The following BCAT1 variants were observed in gnomAD, a reference collection of about 807,000 sequenced individuals.
BCAT1 encodes branched chain amino acid transaminase 1.
In BCAT1, 48 loss-of-function variants were observed where a neutral mutation model predicts 52.4. The ratio of observed to expected loss-of-function variants is 0.92; its 90% CI spans 0.73 to 1.16. The LOEUF (loss-of-function observed/expected upper bound fraction) is 1.16, where lower values mean the gene tolerates loss of function less well. Ranked by LOEUF, BCAT1 falls within the 50% of genes most tolerant of loss-of-function variation. The pLI is 0.00. For synonymous variants in BCAT1, 167 were observed against 161.3 expected, an observed-to-expected ratio of 1.04 and a Z score of -0.27; for missense variants, 451 against 457.1, an observed-to-expected ratio of 0.99 and a Z score of 0.12.
At chr12:24,867,248 G>A (rs1251776753) in intron 5 of BCAT1, among the ~76,000 whole-genome samples, 3 of 151,946 alleles carry the variant, frequency 2.0e-5, no homozygotes, top group African/African-American at 7.3e-5. Flanking sequence ...CACTTACCGC[G>A]AGGGTCCATG....
At chr12:24,863,408 G>T (rs1438045477) in intron 5 of BCAT1, among the ~76,000 whole-genome samples, 3 of 152,196 alleles carry the variant, frequency 2.0e-5, no homozygotes, top group African/African-American at 7.2e-5. Flanking sequence ...GCATAAAAAT[G>T]ACTGTAAACA....
rs1422980529 is a variant in BCAT1, at chr12:24,902,383, T to C, written c.7-498A>G. 8 of 1,155,686 alleles carry C rather than the reference T, an allele frequency of 6.9e-6. No individual in the cohort carries two copies. The East Asian group carries it at 3.5e-4, about 51-fold the overall frequency. The allele number at this position is 1,155,686 out of a possible 1,614,324, so 71.6% of individuals were successfully genotyped here. ...AGCAGGGTCCTCCGATGCCGCAGCA[T>C]CCACCCCACACCTTAAACCTCATGG... On this transcript the variant is annotated intron_variant, in intron 1 of 10. Coordinates refer to ENST00000261192, the MANE Select transcript of BCAT1 (RefSeq NM_005504.7).
chr12:24,946,229 A>G (rs1943931300), intron 1 of BCAT1, among the ~76,000 whole-genome samples: 1 of 152,224 alleles, frequency 6.6e-6, no homozygotes, highest in Non-Finnish European at 1.5e-5. Context: ...TAACACCACT[A>G]TCAGTTTTCC....
intron 1 of BCAT1, among the ~76,000 whole-genome samples, chr12:24,946,531 A>G (rs752937657): frequency 2.0e-5 from 3 of 152,226 alleles, no homozygotes; most frequent in Non-Finnish European, 4.4e-5. Context: ...TTGATAGGCT[A>G]AACATTGTTT....
chr12:24,844,216 T>A (rs918354675), intron 6 of BCAT1, among the ~76,000 whole-genome samples: 3 of 150,910 alleles, frequency 2.0e-5, no homozygotes, highest in African/African-American at 7.3e-5. Context: ...TCACCTGAGG[T>A]TGGGAGTTTG....
intron 6 of BCAT1, among the ~76,000 whole-genome samples, chr12:24,844,894 C>CAACCAAACAA (rs1491324252): frequency 2.8e-5 from 1 of 36,002 alleles, no homozygotes; most frequent in Non-Finnish European, 5.1e-5. Context: ...GAGACTGTCT[C>CAACCAAACAA]AAAAAAAAAA....
intron 1 of BCAT1, among the ~76,000 whole-genome samples, chr12:24,932,872 C>T (rs11830163): frequency 6.0e-4 from 92 of 152,116 alleles, no homozygotes; most frequent in African/African-American, 2.1e-3. Flanking sequence ...AGTGCAGTGG[C>T]GCAACCTCGG....
At chr12:24,898,107 G>C (rs563527505) in intron 2 of BCAT1, among the ~76,000 whole-genome samples, 1 of 152,102 alleles carries the variant, frequency 6.6e-6, no homozygotes, top group South Asian at 2.1e-4. Context: ...AGTTTTAAGG[G>C]AACGATTTGT....
rs1369336222 is a variant in BCAT1, at chr12:24,836,943, AAAGAAAGAAAGAAAAGAG to A, written c.818-365_818-348del. 6.4e-4 allele frequency among the ~76,000 whole-genome samples: 79 copies of A among 123,086 alleles called. 1 individual carries two copies. Among genetic ancestry groups the A allele is most frequent in the South Asian group, 1.3e-3 (5 of 3,912 alleles). The allele number at this position is 123,086 out of a possible 152,430, so 80.7% of individuals were successfully genotyped here. A position where few individuals can be genotyped will look rare whatever the true frequency, so the allele number is the denominator to read the frequency against. On this transcript the variant is annotated intron_variant, in intron 7 of 10. Coordinates refer to ENST00000261192, the MANE Select transcript of BCAT1 (RefSeq NM_005504.7). ...GAAAGAAAGAAAGAAAGAAAGAAAG[AAAGAAAGAAAGAAAAGAG>A]AAAGAAAGAAAGAGAGAGAGGGAGG...
intron 6 of BCAT1, among the ~76,000 whole-genome samples, chr12:24,843,563 A>G (rs1007885016): frequency 4.6e-5 from 7 of 152,192 alleles, no homozygotes; most frequent in African/African-American, 1.4e-4. Context: ...AGATAGCACC[A>G]CTGCACTCCA....
chr12:24,869,759 C>A (rs566129752), intron 5 of BCAT1, among the ~76,000 whole-genome samples: 7 of 152,162 alleles, frequency 4.6e-5, no homozygotes, highest in Admixed American at 1.3e-4. Flanking sequence ...GGAGAGGGAA[C>A]GGAGGCAAAG....
At chr12:24,933,101 C>T (rs191248610) in intron 1 of BCAT1, among the ~76,000 whole-genome samples, 3,849 of 147,046 alleles carry the variant, frequency 0.026, 77 homozygotes, top group African/African-American at 0.049. Flanking sequence ...TGAGCCACCA[C>T]GCCTGGCCTT....
intron 10 of BCAT1, among the ~76,000 whole-genome samples, 192 bp from the exon 11 acceptor site, chr12:24,818,241 A>G (rs989911420): frequency 6.6e-6 from 1 of 152,218 alleles, no homozygotes; most frequent in Non-Finnish European, 1.5e-5. Context: ...ACCATATAAA[A>G]CATAAGATAA....
At chr12:24,886,493 A>C (rs1942665203) in intron 3 of BCAT1, among the ~76,000 whole-genome samples, 1 of 152,216 alleles carries the variant, frequency 6.6e-6, no homozygotes, top group Admixed American at 6.5e-5. Flanking sequence ...TCGATGAAAA[A>C]AGTAGTTCCA....
chr12:24,894,450 G>C lies in BCAT1; in HGVS notation c.104C>G (p.Ala35Gly). ...FKAKDLIVTP[A>G]TILKEKPDPN... ...GTCTGGTTTTTCCTTTAAAATGGTA[G>C]CTGGTGTGACTATTAGGTCTTTAGC... The change falls in exon 3 of 11, where the codon GCT becomes GGT. Residue 35 changes from alanine (A) to glycine (G), a missense_variant. Coordinates refer to ENST00000261192, the MANE Select transcript of BCAT1 (RefSeq NM_005504.7). The C allele has an allele frequency of 6.3e-7, 1 of 1,597,676 alleles. No individual in the cohort carries two copies. The highest frequency in any genetic ancestry group is 8.5e-7 in the Non-Finnish European group (1 of 1,171,252).
chr12:24,892,059 T>TTTTGTTTTGTTTTGTTTTG (rs1555112460), intron 3 of BCAT1, among the ~76,000 whole-genome samples: 1 of 144,434 alleles, frequency 6.9e-6, no homozygotes, highest in East Asian at 2.1e-4. Flanking sequence ...GCCTGGCCGT[T>TTTTGTTTTGTTTTGTTTTG]TTTTGTTTTG....
intron 1 of BCAT1, among the ~76,000 whole-genome samples, chr12:24,936,723 T>TCTCTCTCTCTCTCTCTCA (rs201793932): frequency 2.1e-5 from 3 of 141,800 alleles, no homozygotes; most frequent in African/African-American, 7.5e-5. Flanking sequence ...TCTCTCTCTC[T>TCTCTCTCTCTCTCTCTCA]CACACACACA....
At chr12:24,873,050 T>C (rs1392195) in intron 5 of BCAT1, among the ~76,000 whole-genome samples, 31,855 of 152,202 alleles carry the variant, frequency 0.21, 3,834 homozygotes, top group African/African-American at 0.33. Context: ...CACATGTGTT[T>C]GTACCACTGT....
chr12:24,884,290 A>G (rs1479257849), intron 3 of BCAT1, among the ~76,000 whole-genome samples: 1 of 152,204 alleles, frequency 6.6e-6, no homozygotes, highest in African/African-American at 2.4e-5. Flanking sequence ...GTGGACTGAA[A>G]AAGTCAAACT....
Sources: gnomAD v4.1 joint callset for allele counts (sites outside exome capture counted in the v4.1 genomes callset) on GRCh38, gnomAD v4.1.1 for gene constraint, MANE v1.5 for transcripts, NCBI Gene and HGNC (gene_info 2026-07-23, HGNC 2026-07-21) for gene names.